Variants in CNTNAP5 observed in about 807,000 individuals in gnomAD.
CNTNAP5 encodes contactin-associated protein-like 5.
A neutral mutation model predicts 150.2 loss-of-function variants in CNTNAP5; 72 were observed. The observed-to-expected ratio is 0.48, with a 90% CI of 0.40 to 0.58. CNTNAP5 has a LOEUF of 0.58. Ranked by LOEUF, CNTNAP5 falls within the 20% of genes least tolerant of loss-of-function variation. The pLI, the probability that CNTNAP5 is intolerant of heterozygous loss-of-function variation, is 0.00. For synonymous variants in CNTNAP5, 672 were observed against 619.8 expected (o/e 1.08, Z -1.25); for missense variants, 1,636 against 1,626.2 (o/e 1.01, Z -0.10).
At chr2:124,193,122 C>T (rs1274143671) in intron 1 of CNTNAP5, among the ~76,000 whole-genome samples, 1 of 151,874 alleles carries the variant, frequency 6.6e-6, no homozygotes, top group Non-Finnish European at 1.5e-5. Flanking sequence ...CTCTATGTGT[C>T]CAAATTTCTC....
chr2:124,765,682 G>A (rs966076702), intron 16 of CNTNAP5, among the ~76,000 whole-genome samples: 1 of 152,014 alleles, frequency 6.6e-6, no homozygotes, highest in Non-Finnish European at 1.5e-5. Context: ...AAGTCAAGGC[G>A]CAGTGGCTCA....
At chr2:124,772,761 A>G in intron 16 of CNTNAP5, 38 bp from the exon 17 acceptor site, 2 of 1,512,776 alleles carry the variant, frequency 1.3e-6, no homozygotes, top group African/African-American at 1.4e-5. Context: ...TGAGCTAACA[A>G]CTCCCTCTAT....
chr2:124,784,269 A>G (rs1681517592), intron 17 of CNTNAP5, among the ~76,000 whole-genome samples: 1 of 152,152 alleles, frequency 6.6e-6, no homozygotes, highest in African/African-American at 2.4e-5. Context: ...TTCTCTGAAA[A>G]TCAGTTTTGC....
intron 1 of CNTNAP5, among the ~76,000 whole-genome samples, chr2:124,098,090 C>T (rs1019373969): frequency 6.6e-6 from 1 of 152,180 alleles, no homozygotes; most frequent in South Asian, 2.1e-4. Context: ...AACTTAACTA[C>T]TATTAATAAT....
At chr2:124,058,549 T>C (rs932536848) in intron 1 of CNTNAP5, among the ~76,000 whole-genome samples, 4 of 152,178 alleles carry the variant, frequency 2.6e-5, no homozygotes, top group African/African-American at 9.7e-5. Flanking sequence ...TTCAAGTGTA[T>C]CAATCCCTCT....
chr2:124,526,205 G>A (rs1392787861), intron 9 of CNTNAP5, among the ~76,000 whole-genome samples: 2 of 152,164 alleles, frequency 1.3e-5, no homozygotes, highest in Non-Finnish European at 2.9e-5. Flanking sequence ...AGAAGGTGAA[G>A]ATGTATCAGT....
chr2:124,757,959 A>C (rs1285074426), intron 14 of CNTNAP5, among the ~76,000 whole-genome samples: 1 of 152,184 alleles, frequency 6.6e-6, no homozygotes, highest in Non-Finnish European at 1.5e-5. Flanking sequence ...AGACCTCTTA[A>C]AAGGTTTTAA....
chr2:124,493,452 TG>T (rs1185037617), intron 7 of CNTNAP5, among the ~76,000 whole-genome samples: 1 of 152,044 alleles, frequency 6.6e-6, no homozygotes, highest in African/African-American at 2.4e-5. Context: ...GCGATTCTCC[TG>T]CCTCAGCCTC....
intron 3 of CNTNAP5, among the ~76,000 whole-genome samples, chr2:124,402,964 A>T (rs2104760411): frequency 6.6e-6 from 1 of 152,306 alleles, no homozygotes; most frequent in Admixed American, 6.5e-5. Flanking sequence ...GCAGTTTGGA[A>T]CTTTGAAGGC....
At chr2:124,860,087 C>T (rs1677480411) in intron 19 of CNTNAP5, among the ~76,000 whole-genome samples, 1 of 151,940 alleles carries the variant, frequency 6.6e-6, no homozygotes. Context: ...TGTGGTGACT[C>T]ACGCCTGTAA....
rs546430835 is a variant in CNTNAP5 at position 124,453,120 on chromosome 2, T to TA, written c.918+6193dup. On this transcript the variant is annotated intron_variant, in intron 6 of 23. Coordinates refer to ENST00000682447, the MANE Select transcript of CNTNAP5 (RefSeq NM_001367498.1). ...AAAGTCAAAGCCCAACATAAGGAAATAAAAAAAAAATCATGCAAGAAGTGA... is the reference window on the plus strand; with the variant it reads ...AAAGTCAAAGCCCAACATAAGGAAATAAAAAAAAAAATCATGCAAGAAGTGA... Among the ~76,000 whole-genome samples, 180 of 145,572 alleles carry TA rather than the reference T, an allele frequency of 1.2e-3. 2 individuals carry two copies. The highest frequency in any genetic ancestry group is 6.5e-3 in the East Asian group (32 of 4,956).
At chr2:124,905,038 CA>C (rs55882801) in intron 22 of CNTNAP5, among the ~76,000 whole-genome samples, 3,366 of 50,712 alleles carry the variant, frequency 0.066, 53 homozygotes, top group Middle Eastern at 0.13. Flanking sequence ...AACTCAATAG[CA>C]AAAAAAAAAA....
chr2:124,228,579 A>C (rs1364492007), intron 2 of CNTNAP5, among the ~76,000 whole-genome samples: 2 of 152,308 alleles, frequency 1.3e-5, no homozygotes, highest in Admixed American at 6.5e-5. Context: ...AACTAGCCAA[A>C]CCAAATGACA....
chr2:124,513,022 C>G (rs1199677107), intron 8 of CNTNAP5, among the ~76,000 whole-genome samples: 1 of 152,122 alleles, frequency 6.6e-6, no homozygotes. Flanking sequence ...TGCCTTGTTT[C>G]TTTGGTTTTC....
At chr2:124,614,174 A>G (rs758715336) in intron 12 of CNTNAP5, among the ~76,000 whole-genome samples, 1 of 152,158 alleles carries the variant, frequency 6.6e-6, no homozygotes, top group Non-Finnish European at 1.5e-5. Context: ...TGTCTATATT[A>G]GTTTCCTAGG....
At chr2:124,069,147 C>A (rs1682237507) in intron 1 of CNTNAP5, among the ~76,000 whole-genome samples, 1 of 152,008 alleles carries the variant, frequency 6.6e-6, no homozygotes, top group Non-Finnish European at 1.5e-5. Flanking sequence ...TCAGCATTCA[C>A]AAGGGCCTTA....
intron 12 of CNTNAP5, among the ~76,000 whole-genome samples, chr2:124,642,570 C>A (rs1025516896): frequency 2.0e-5 from 3 of 152,152 alleles, no homozygotes; most frequent in Non-Finnish European, 4.4e-5. Context: ...GACTTCACTG[C>A]GCAGGGCTCT....
intron 4 of CNTNAP5, among the ~76,000 whole-genome samples, chr2:124,423,964 C>T (rs979948084): frequency 1.3e-5 from 2 of 152,096 alleles, no homozygotes; most frequent in Non-Finnish European, 2.9e-5. Context: ...GCGCCCGGCC[C>T]GGCTAATTAA....
chr2:124,531,941 C>T (rs1288129329), intron 10 of CNTNAP5, among the ~76,000 whole-genome samples: 1 of 152,152 alleles, frequency 6.6e-6, no homozygotes, highest in South Asian at 2.1e-4. Flanking sequence ...GCCATTGCAA[C>T]TGGGTTTCTA....
Sources: gnomAD v4.1 joint callset for allele counts (sites outside exome capture counted in the v4.1 genomes callset) on GRCh38, gnomAD v4.1.1 for gene constraint, MANE v1.5 for transcripts, NCBI Gene and HGNC (gene_info 2026-07-23, HGNC 2026-07-21) for gene names.